PIP4P2: variants seen among roughly 807,000 people sequenced by gnomAD.
PIP4P2 encodes phosphatidylinositol-4,5-bisphosphate 4-phosphatase 2.
A neutral mutation model predicts 33.3 loss-of-function variants in PIP4P2; 19 were observed. The ratio of observed to expected loss-of-function variants is 0.57; its 90% CI spans 0.40 to 0.84. PIP4P2 has a LOEUF of 0.84. Among genes scored for constraint, PIP4P2 ranks in the 40% least tolerant of loss-of-function variants. The pLI, the probability that PIP4P2 is intolerant of heterozygous loss-of-function variation, is 0.00. For missense variants in PIP4P2, 270 were observed against 324.7 expected (o/e 0.83, Z 1.29); for synonymous variants, 110 against 111.9 (o/e 0.98, Z 0.11).
intron 1 of PIP4P2, among the ~76,000 whole-genome samples, chr8:91,023,797 T>C (rs1812044084): frequency 6.6e-6 from 1 of 152,134 alleles, no homozygotes; most frequent in Non-Finnish European, 1.5e-5. Context: ...TATTCAATGG[T>C]TGAATTAATT....
rs1811603080 is a variant in PIP4P2 at position 90,994,512 on chromosome 8, G to A, written c.*1165C>T. 6.6e-6 allele frequency: 1 copy of A among 152,496 alleles called. No individual in the cohort carries two copies. Among genetic ancestry groups the A allele is most frequent in the African/African-American group, 2.4e-5 (1 of 41,422 alleles). The allele number at this position is 152,496 out of a possible 1,614,324, so 9.4% of individuals were successfully genotyped here. A position where few individuals can be genotyped will look rare whatever the true frequency, so the allele number is the denominator to read the frequency against. ...TCTAATTCTACTACATTTAAAGACTGTAGAACATTTGTGATTAAGCAATTT... is the reference window on the plus strand; with the variant it reads ...TCTAATTCTACTACATTTAAAGACTATAGAACATTTGTGATTAAGCAATTT... On this transcript the variant is annotated 3_prime_UTR_variant, in exon 7 of 7. Transcript: ENST00000285419.
At chr8:91,031,130 G>T (rs1812157539) in intron 1 of PIP4P2, among the ~76,000 whole-genome samples, 1 of 152,214 alleles carries the variant, frequency 6.6e-6, no homozygotes, top group African/African-American at 2.4e-5. Context: ...CTCATTAAGG[G>T]ATGGTAGCAA....
At chr8:90,999,631 A>G (rs1811677074) in intron 5 of PIP4P2, among the ~76,000 whole-genome samples, 1 of 152,086 alleles carries the variant, frequency 6.6e-6, no homozygotes, top group African/African-American at 2.4e-5. Flanking sequence ...CTGAGTGGCT[A>G]GTCAAATTCA....
At chr8:91,030,821 CTT>C (rs1812152561) in intron 1 of PIP4P2, among the ~76,000 whole-genome samples, 1 of 152,094 alleles carries the variant, frequency 6.6e-6, no homozygotes, top group Non-Finnish European at 1.5e-5. Flanking sequence ...TACAGTGTAT[CTT>C]TCCATAACTG....
chr8:91,004,653 G>C (rs1029621479), intron 5 of PIP4P2, among the ~76,000 whole-genome samples: 1 of 152,176 alleles, frequency 6.6e-6, no homozygotes, highest in African/African-American at 2.4e-5. Flanking sequence ...TTATTCCAAA[G>C]AGAATGGGGT....
intron 4 of PIP4P2, among the ~76,000 whole-genome samples, chr8:91,017,178 A>T (rs1426020907): frequency 6.6e-6 from 1 of 152,186 alleles, no homozygotes; most frequent in Non-Finnish European, 1.5e-5. Flanking sequence ...AAATAGAAAA[A>T]GGATAAGCAA....
At chr8:91,024,375 A>G (rs1208061577) in intron 1 of PIP4P2, 1 of 425,070 alleles carries the variant, frequency 2.4e-6, no homozygotes, top group Admixed American at 2.4e-5. Flanking sequence ...ACCTACAATA[A>G]TTAGAATAAG....
chr8:91,037,389 T>G lies in PIP4P2; in HGVS notation c.106+3255A>C, dbSNP rs562545924. Among the ~76,000 whole-genome samples the G allele has an allele frequency of 2.6e-5, 4 of 152,328 alleles. No individual in the cohort carries two copies. The South Asian group carries it at 6.2e-4, about 24-fold the overall frequency. Reference sequence around the variant, plus strand: ...CCTATAATGGTCTTCCAGTCCACCTTTTGCCAAGTTAACTCTTGCTCAACT... The same window carrying G: ...CCTATAATGGTCTTCCAGTCCACCTGTTGCCAAGTTAACTCTTGCTCAACT... On this transcript the variant is annotated intron_variant, in intron 1 of 6. Coordinates refer to ENST00000285419, the MANE Select transcript of PIP4P2 (RefSeq NM_018710.3).
chr8:91,020,541 G>C (rs1431694896), intron 2 of PIP4P2, among the ~76,000 whole-genome samples: 4 of 152,046 alleles, frequency 2.6e-5, no homozygotes, highest in Non-Finnish European at 5.9e-5. Flanking sequence ...TTTAATTGCA[G>C]ATTTTGAGAG....
intron 1 of PIP4P2, among the ~76,000 whole-genome samples, chr8:91,036,819 C>T (rs1232485899): frequency 6.6e-6 from 1 of 152,118 alleles, no homozygotes; most frequent in Non-Finnish European, 1.5e-5. Context: ...TGCTGCAGAA[C>T]AAGTTGGCCA....
At chr8:91,010,483 A>C (rs1167787578) in intron 4 of PIP4P2, among the ~76,000 whole-genome samples, 3 of 151,876 alleles carry the variant, frequency 2.0e-5, no homozygotes, top group South Asian at 2.1e-4. Flanking sequence ...TTTAGCACAA[A>C]TTATGCATGA....
chr8:91,018,556 G>A, intron 3 of PIP4P2, 43 bp from the exon 4 acceptor site: 1 of 1,612,144 alleles, frequency 6.2e-7, no homozygotes, highest in African/African-American at 1.3e-5. Flanking sequence ...CCCACAAATG[G>A]ACTGAGAGCA....
intron 1 of PIP4P2, among the ~76,000 whole-genome samples, chr8:91,034,621 C>T (rs541453225): frequency 6.6e-6 from 1 of 152,348 alleles, no homozygotes; most frequent in African/African-American, 2.4e-5. Flanking sequence ...TCTACTGGGG[C>T]TTGGGGGAGC....
intron 1 of PIP4P2, chr8:91,024,351 T>G (rs1238089836): frequency 2.3e-6 from 1 of 439,950 alleles, no homozygotes; most frequent in Non-Finnish European, 4.6e-6. Context: ...TTCTGGAGAT[T>G]CCACAGTTAG....
intron 5 of PIP4P2, among the ~76,000 whole-genome samples, chr8:91,003,749 G>T (rs1319675043): frequency 6.6e-6 from 1 of 151,976 alleles, no homozygotes; most frequent in Non-Finnish European, 1.5e-5. Context: ...GAGAAAACCC[G>T]GATAAAGTGC....
At chr8:91,015,304 G>A (rs184701697) in intron 4 of PIP4P2, among the ~76,000 whole-genome samples, 5 of 152,076 alleles carry the variant, frequency 3.3e-5, no homozygotes, top group Admixed American at 2.6e-4. Flanking sequence ...AAGAAGAGGA[G>A]GAGGAGCAGG....
In PIP4P2 at chr8:90,996,736, A is replaced by G; in HGVS notation, c.548T>C (p.Val183Ala). Reference sequence around the variant, plus strand: ...GCGTCTTCGTGGAAGTGCACTACCCACTGAGGAGCTGCAAATTCATGAAAG... The same window carrying G: ...GCGTCTTCGTGGAAGTGCACTACCCGCTGAGGAGCTGCAAATTCATGAAAG... ...KCPHCKKISS[V>A]GSALPRRRCC... The change falls in exon 6 of 7, where the codon GTG (valine) becomes GCG (alanine). Residue 183 changes from valine (V) to alanine (A), a missense_variant. Physicochemically the swap from Val to Ala is moderately conservative, Grantham distance 64. Transcript: ENST00000285419. 1 of 1,602,744 alleles carries G rather than the reference A, an allele frequency of 6.2e-7. No individual in the cohort carries two copies. Among genetic ancestry groups the G allele is most frequent in the Non-Finnish European group, 8.5e-7 (1 of 1,174,796 alleles).
chr8:91,023,503 A>G (rs942518743), intron 1 of PIP4P2, among the ~76,000 whole-genome samples: 1 of 152,006 alleles, frequency 6.6e-6, no homozygotes, highest in Non-Finnish European at 1.5e-5. Context: ...TTAAAAGGGC[A>G]TTAGAGCCAG....
Position 91,040,721 on chromosome 8 carries a change from G to A in PIP4P2, c.29C>T (p.Ser10Leu). ...GGAGTGGGATGCTGACAGCAGAGGC[G>A]AGCGTTCGTCCACCCCATCAGCAGC... MAADGVDER[S>L]PLLSASHSGN... Residue 10 changes from serine (S) to leucine (L), a missense_variant, in exon 1 of 7, where the codon TCG becomes TTG. Transcript: ENST00000285419. 6.2e-7 allele frequency: 1 copy of A among 1,612,776 alleles called. No individual in the cohort carries two copies.
Sources: allele counts gnomAD v4.1 joint callset (sites outside exome capture counted in the v4.1 genomes callset), GRCh38; gene constraint gnomAD v4.1.1; transcripts MANE v1.5; gene names NCBI Gene and HGNC (gene_info 2026-07-23, HGNC 2026-07-21).